The following PPFIA3 variants were observed in gnomAD, a reference collection of about 807,000 sequenced individuals.
PPFIA3 encodes PPFI scaffold protein A3.
PPFIA3 carries 26 observed loss-of-function variants against 145.8 expected under a neutral mutation model. That is an observed-to-expected ratio of 0.18 (90% CI 0.13 to 0.25). The LOEUF (loss-of-function observed/expected upper bound fraction) is 0.25. PPFIA3 is among the 10% of genes least tolerant of loss of function. The pLI is 1.00. For missense variants in PPFIA3, 1,008 were observed against 1,587.8 expected, an observed-to-expected ratio of 0.63 and a Z score of 6.21; for synonymous variants, 645 against 661.4, an observed-to-expected ratio of 0.98 and a Z score of 0.38.
chr19:49,136,670 C>CCAT, intron 14 of PPFIA3, 54 bp from the exon 15 acceptor site: 1 of 1,301,310 alleles, frequency 7.7e-7, no homozygotes, highest in Admixed American at 3.1e-5. Context: ...CAAGACCCAG[C>CCAT]GCCAACCTCG....
intron 24 of PPFIA3, 94 bp downstream of exon 24, chr19:49,148,352 C>T: frequency 7.4e-7 from 1 of 1,355,600 alleles, no homozygotes; most frequent in South Asian, 1.5e-5. Context: ...GATTCCCAGG[C>T]TTATCTTGGC....
rs866946475 is a variant in PPFIA3, at chr19:49,149,165, A to G, written c.3282A>G (p.Ala1094=). The change falls in exon 26 of 30, where the codon GCA becomes GCG. Residue 1094 remains alanine, a synonymous_variant. Transcript: ENST00000334186. The surrounding 1 kb of genome is among the most constrained non-coding windows in gnomAD (Gnocchi z 5.7). ...ALLLQIPTQN[A]QARQLLEKEF... Reference sequence around the variant, plus strand: ...TCCTGCAGATCCCCACGCAGAATGCACAGGTGAGCTGCCGCTGGGCCCGGA... The same window carrying G: ...TCCTGCAGATCCCCACGCAGAATGCGCAGGTGAGCTGCCGCTGGGCCCGGA... 9.3e-6 allele frequency: 15 copies of G among 1,613,866 alleles called. No individual in the cohort carries two copies. In the African/African-American group the frequency reaches 1.5e-4, roughly 16 times the overall value.
At position 49,124,142 on chromosome 19, in the gene PPFIA3, A is replaced by G. The variant is rs895314819; in HGVS notation, c.-15-3717A>G. Among the ~76,000 whole-genome samples, 8 of 152,028 alleles carry G rather than the reference A, an allele frequency of 5.3e-5. No individual in the cohort carries two copies. The East Asian group carries it at 1.4e-3, about 26-fold the overall frequency. On this transcript the variant is annotated intron_variant, in intron 1 of 29. Coordinates refer to ENST00000334186, the MANE Select transcript of PPFIA3 (RefSeq NM_003660.4). ...TAAAACCAAGGATGTGACTCCTGCT[A>G]TATTCTTTTTTAAAAATGTAATTAA...
rs1265634489 is a variant in PPFIA3 at position 49,128,802 on chromosome 19, C to G, written c.343-46C>G. ...GTCACCCTTTTTCTCACATCTGCCC[C>G]TTTTCCCTTGCCTCTTTTCCTTGAC... On this transcript the variant is annotated intron_variant, in intron 3 of 29. Transcript: ENST00000334186. The surrounding 1 kb of genome is among the most constrained non-coding windows in gnomAD (Gnocchi z 4.1). The G allele has an allele frequency of 6.5e-7, 1 of 1,529,920 alleles. No individual in the cohort carries two copies. The highest frequency in any genetic ancestry group is 2.0e-5 in the Admixed American group (1 of 49,562). 94.8% of individuals were successfully genotyped at this position (1,529,920 alleles called of 1,614,324 possible).
intron 22 of PPFIA3, 59 bp downstream of exon 22, chr19:49,146,064 C>A: frequency 1.9e-6 from 3 of 1,602,188 alleles, no homozygotes; most frequent in Non-Finnish European, 1.7e-6. Context: ...GGGGTGGGGG[C>A]GGGGACCGAG....
At chr19:49,127,793 T>C in intron 1 of PPFIA3, 66 bp from the exon 2 acceptor site, 1 of 1,553,242 alleles carries the variant, frequency 6.4e-7, no homozygotes, top group Non-Finnish European at 8.6e-7. Context: ...TCCGAGTGGC[T>C]GTGCCTCAGT....
Position 49,130,639 on chromosome 19 carries a change from C to T in PPFIA3, c.879+40C>T, listed in dbSNP as rs1360344282. On this transcript the variant is annotated intron_variant, in intron 7 of 29. Transcript: ENST00000334186. The surrounding 1 kb of genome is among the most constrained non-coding windows in gnomAD (Gnocchi z 4.5). ...GAGGCGGGCTGCCCTGGGTCCCTCGCCTTTCCGTAGAGCTCTCCCTCGCGC... is the reference window on the plus strand; with the variant it reads ...GAGGCGGGCTGCCCTGGGTCCCTCGTCTTTCCGTAGAGCTCTCCCTCGCGC... The T allele has an allele frequency of 6.6e-7, 1 of 1,517,378 alleles. No homozygotes were observed. The highest frequency in any genetic ancestry group is 2.0e-5 in the Admixed American group (1 of 50,154). The allele number at this position is 1,517,378 out of a possible 1,614,324, so 94.0% of individuals were successfully genotyped here. A position where few individuals can be genotyped will look rare whatever the true frequency, so the allele number is the denominator to read the frequency against.
In PPFIA3 at chr19:49,130,046, G is replaced by T. The variant is rs199751282; in HGVS notation, c.636G>T (p.Pro212=). The part of the protein sequence containing the change: ...LSRRRSGLEE[P]GKDGDGQTLA... Reference sequence around the variant, plus strand: ...GGCGGCGGTCAGGGCTGGAAGAGCCGGGCAAGGATGGGGATGGGCAGGTGA... The same window carrying T: ...GGCGGCGGTCAGGGCTGGAAGAGCCTGGCAAGGATGGGGATGGGCAGGTGA... The change falls in exon 6 of 30, where the codon CCG becomes CCT. Residue 212 remains proline, a synonymous_variant. Coordinates refer to ENST00000334186, the MANE Select transcript of PPFIA3 (RefSeq NM_003660.4). The surrounding 1 kb of genome is among the most constrained non-coding windows in gnomAD (Gnocchi z 4.5). 3 of 1,613,012 alleles carry T rather than the reference G, an allele frequency of 1.9e-6. No homozygotes were observed. In the Admixed American group the frequency reaches 5.0e-5, roughly 27 times the overall value.
chr19:49,149,379 T>C lies in PPFIA3; in HGVS notation c.3354+54T>C. On this transcript the variant is annotated intron_variant, in intron 27 of 29. Coordinates refer to ENST00000334186, the MANE Select transcript of PPFIA3 (RefSeq NM_003660.4). The surrounding 1 kb of genome is among the most constrained non-coding windows in gnomAD (Gnocchi z 5.7). ...TGCTCCCAGCGGCTCCTCGAGAGGC[T>C]GAGCTGAGGGGGCGGGGCCTGACTA... The C allele has an allele frequency of 3.1e-6, 5 of 1,605,558 alleles. No individual in the cohort carries two copies. The highest frequency in any genetic ancestry group is 1.1e-5 in the South Asian group (1 of 90,834).
chr19:49,150,916 G>A lies in PPFIA3; in HGVS notation c.*694G>A, dbSNP rs1015667952. On this transcript the variant is annotated 3_prime_UTR_variant, in exon 30 of 30. Transcript: ENST00000334186. ...TCTTTCCACGATGCCGCTGGGCGAC[G>A]TGGCGTGGGGGCAGGGGGACGGTGG... is the stretch of plus-strand genomic sequence containing the variant. 5 of 195,922 alleles carry A rather than the reference G, an allele frequency of 2.6e-5. No individual in the cohort carries two copies. Among genetic ancestry groups the A allele is most frequent in the South Asian group, 1.8e-4 (1 of 5,660 alleles). The allele number at this position is 195,922 out of a possible 1,614,324, so 12.1% of individuals were successfully genotyped here. A position where few individuals can be genotyped will look rare whatever the true frequency, so the allele number is the denominator to read the frequency against.
rs189853928 is a variant in PPFIA3 at position 49,129,369 on chromosome 19, C to T, written c.508-11C>T. On this transcript the variant is annotated splice_polypyrimidine_tract_variant and intron_variant, in intron 4 of 29. Coordinates refer to ENST00000334186, the MANE Select transcript of PPFIA3 (RefSeq NM_003660.4). ...GTCTCCAGCTGACTGTTGCCCTGCC[C>T]CGATCCCCAGGTCCGGGAGCGGCTG... 1,170 of 1,549,424 alleles carry T rather than the reference C, an allele frequency of 7.6e-4. 12 individuals carry two copies. In the African/African-American group the frequency reaches 0.015, roughly 20 times the overall value.
chr19:49,131,149 C>G (rs2041065374), intron 7 of PPFIA3, among the ~76,000 whole-genome samples: 1 of 144,354 alleles, frequency 6.9e-6, no homozygotes, highest in Non-Finnish European at 1.5e-5. Context: ...CAGTAGTGAG[C>G]CACCGCACCC....
At position 49,142,866 on chromosome 19, in the gene PPFIA3, C is replaced by T; in HGVS notation, c.2607C>T (p.Ala869=). ...AACRANVKSG[A]IMANLSDTEI... ...GCCGGGCCAATGTCAAGAGCGGTGC[C>T]ATCATGGCCAACCTGTCAGACACGG... is the stretch of plus-strand genomic sequence containing the variant. The change falls in exon 21 of 30, where the codon GCC becomes GCT. Residue 869 remains alanine, a synonymous_variant. Coordinates refer to ENST00000334186, the MANE Select transcript of PPFIA3 (RefSeq NM_003660.4). The T allele has an allele frequency of 6.2e-7, 1 of 1,614,032 alleles. No homozygotes were observed. The highest frequency in any genetic ancestry group is 8.5e-7 in the Non-Finnish European group (1 of 1,180,020).
chr19:49,123,161 T>A (rs2040957617), intron 1 of PPFIA3, among the ~76,000 whole-genome samples: 1 of 151,974 alleles, frequency 6.6e-6, no homozygotes, highest in African/African-American at 2.4e-5. Flanking sequence ...CCCAAATAGC[T>A]GGGACTACAG....
chr19:49,125,943 G>T (rs373132479), intron 1 of PPFIA3, among the ~76,000 whole-genome samples: 7,354 of 139,798 alleles, frequency 0.053, 555 homozygotes, highest in African/African-American at 0.18. Flanking sequence ...GTTTTTTTTT[G>T]TTTGTTTGTT....
In PPFIA3 at chr19:49,133,628, G is replaced by C. The variant is rs1489347443; in HGVS notation, c.1162-168G>C. On this transcript the variant is annotated intron_variant, in intron 9 of 29. Transcript: ENST00000334186. The surrounding 1 kb of genome is among the most constrained non-coding windows in gnomAD (Gnocchi z 7.2). ...CTGGAACCTGAGAGGGAAGGAACAG[G>C]TCCTGAAAAAGTGGACTAGGCGCAG... is the stretch of plus-strand genomic sequence containing the variant. 6.6e-6 allele frequency among the ~76,000 whole-genome samples: 1 copy of C among 152,088 alleles called. No homozygotes were observed. The highest frequency in any genetic ancestry group is 1.5e-5 in the Non-Finnish European group (1 of 68,012).
rs1600357354 is a variant in PPFIA3 at position 49,149,991 on chromosome 19, A to C, written c.3527-89A>C. 3.5e-6 allele frequency: 5 copies of C among 1,437,398 alleles called. No individual in the cohort carries two copies. In the East Asian group the frequency reaches 1.2e-4, roughly 35 times the overall value. The allele number at this position is 1,437,398 out of a possible 1,614,324, so 89.0% of individuals were successfully genotyped here. A position where few individuals can be genotyped will look rare whatever the true frequency, so the allele number is the denominator to read the frequency against. On this transcript the variant is annotated intron_variant, in intron 28 of 29. Coordinates refer to ENST00000334186, the MANE Select transcript of PPFIA3 (RefSeq NM_003660.4). The surrounding 1 kb of genome is among the most constrained non-coding windows in gnomAD (Gnocchi z 5.7). ...TGTGGAGCCCGGCGATCGTTGTGAC[A>C]TCGGGAAGGGAAGTCCAAAGGGAGG... is the stretch of plus-strand genomic sequence containing the variant.
intron 5 of PPFIA3, 143 bp from the exon 6 acceptor site, chr19:49,129,850 A>C (rs2041047714): frequency 1.8e-4 from 147 of 813,842 alleles, no homozygotes; most frequent in Non-Finnish European, 2.6e-4. Context: ...CCTAAGGGTA[A>C]ACCGTGGGGT....
chr19:49,144,131 C>G lies in PPFIA3; in HGVS notation c.2745+1127C>G, dbSNP rs1325960369. ...AGCAATTCCAATCCTCTGCCTCAAC[C>G]TTCCGAGTAGCTGGGATTATAGGCG... On this transcript the variant is annotated intron_variant, in intron 21 of 29. Coordinates refer to ENST00000334186, the MANE Select transcript of PPFIA3 (RefSeq NM_003660.4). Among the ~76,000 whole-genome samples the G allele has an allele frequency of 2.0e-5, 3 of 152,016 alleles. No homozygotes were observed. The East Asian group carries it at 5.8e-4, about 29-fold the overall frequency.
Sources: gnomAD v4.1 joint callset for allele counts (sites outside exome capture counted in the v4.1 genomes callset) on GRCh38, gnomAD v4.1.1 for gene constraint, Gnocchi (gnomAD v3.1) non-coding constraint, MANE v1.5 for transcripts, NCBI Gene and HGNC (gene_info 2026-07-23, HGNC 2026-07-21) for gene names.